The following WWTR1 variants were observed in gnomAD, a reference collection of about 807,000 sequenced individuals.
WWTR1 encodes the protein WW domain containing transcription regulator 1.
WWTR1 carries 13 observed loss-of-function variants against 40.1 expected under a neutral mutation model. The observed-to-expected ratio is 0.32, with a 90% CI of 0.21 to 0.52. The LOEUF (loss-of-function observed/expected upper bound fraction) is 0.52, where lower values mean the gene tolerates loss of function less well. WWTR1 is among the 20% of genes least tolerant of loss of function. The pLI is 0.97. For missense variants in WWTR1, 436 were observed against 523.1 expected, an observed-to-expected ratio of 0.83 and a Z score of 1.63; for synonymous variants, 230 against 210.1, an observed-to-expected ratio of 1.09 and a Z score of -0.82.
intron 2 of WWTR1, among the ~76,000 whole-genome samples, chr3:149,637,793 G>T (rs954506763): frequency 6.6e-6 from 1 of 152,186 alleles, no homozygotes; most frequent in Admixed American, 6.5e-5. Flanking sequence ...GGTGTAATAA[G>T]GCATTAGACA....
At chr3:149,700,465 A>C (rs967136168) in intron 1 of WWTR1, among the ~76,000 whole-genome samples, 1 of 152,232 alleles carries the variant, frequency 6.6e-6, no homozygotes, top group Non-Finnish European at 1.5e-5. Context: ...ACTACTAATT[A>C]GTTATTTGCA....
At chr3:149,649,313 G>A (rs1712711909) in intron 2 of WWTR1, among the ~76,000 whole-genome samples, 1 of 152,160 alleles carries the variant, frequency 6.6e-6, no homozygotes, top group East Asian at 1.9e-4. Flanking sequence ...ATTTCTAGTT[G>A]TAAATTAGCT....
chr3:149,661,726 A>G (rs1342932054), upstream of WWTR1, among the ~76,000 whole-genome samples: 1 of 143,590 alleles, frequency 7.0e-6, no homozygotes, highest in Non-Finnish European at 1.5e-5. Flanking sequence ...GCCCGGCCAC[A>G]AATAAAGTTT....
chr3:149,585,128 G>GTGTGTGTA (rs1325819231), intron 2 of WWTR1, among the ~76,000 whole-genome samples: 5 of 150,524 alleles, frequency 3.3e-5, no homozygotes, highest in African/African-American at 1.2e-4. Flanking sequence ...TTTCGTGTGT[G>GTGTGTGTA]TGTGTGTGTG....
chr3:149,580,617 G>C (rs1248523674), intron 2 of WWTR1, among the ~76,000 whole-genome samples: 1 of 152,160 alleles, frequency 6.6e-6, no homozygotes, highest in Non-Finnish European at 1.5e-5. Context: ...TTTTTTGTTT[G>C]TTTGTTTGTT....
chr3:149,565,989 A>G (rs1022788114), intron 3 of WWTR1, among the ~76,000 whole-genome samples: 2 of 151,882 alleles, frequency 1.3e-5, no homozygotes, highest in African/African-American at 4.8e-5. Context: ...AGCCTTCAAT[A>G]ATGCTGATTA....
chr3:149,687,443 C>T (rs1018509943), intron 1 of WWTR1, among the ~76,000 whole-genome samples: 1 of 152,100 alleles, frequency 6.6e-6, no homozygotes, highest in Non-Finnish European at 1.5e-5. Context: ...ATATTAGAGG[C>T]AAAAAGATTT....
At chr3:149,622,502 G>GGAAGA (rs1740341979) in intron 2 of WWTR1, among the ~76,000 whole-genome samples, 1 of 46,298 alleles carries the variant, frequency 2.2e-5, no homozygotes, top group Non-Finnish European at 4.3e-5. Context: ...AGGAAGGAAG[G>GGAAGA]AAGAAAGAAA....
chr3:149,532,324 T>C (rs1445087460), intron 4 of WWTR1, among the ~76,000 whole-genome samples: 2 of 152,220 alleles, frequency 1.3e-5, no homozygotes, highest in Non-Finnish European at 2.9e-5. Flanking sequence ...CATGTGGAAC[T>C]GATCCACTTT....
chr3:149,532,208 A>C (rs1186799857), intron 4 of WWTR1, among the ~76,000 whole-genome samples: 1 of 152,242 alleles, frequency 6.6e-6, no homozygotes, highest in African/African-American at 2.4e-5. Context: ...GAACAGTGCC[A>C]GGCACTCAAG....
chr3:149,683,637 T>A (rs1576639581), intron 1 of WWTR1, among the ~76,000 whole-genome samples: 1 of 152,050 alleles, frequency 6.6e-6, no homozygotes, highest in Non-Finnish European at 1.5e-5. Flanking sequence ...GAGGTTGCAG[T>A]GAGCTGAGAT....
chr3:149,587,678 G>C (rs1037891384), intron 2 of WWTR1, among the ~76,000 whole-genome samples: 3 of 152,170 alleles, frequency 2.0e-5, no homozygotes, highest in African/African-American at 7.2e-5. Context: ...GAGGAAATAC[G>C]TGCGAATAAC....
At position 149,572,978 on chromosome 3, in the gene WWTR1, A is replaced by G; in HGVS notation, c.454T>C (p.Trp152Arg). 6 of 1,593,940 alleles carry G rather than the reference A, an allele frequency of 3.8e-6. No homozygotes were observed. The highest frequency in any genetic ancestry group is 5.1e-6 in the Non-Finnish European group (6 of 1,175,150). The change falls in exon 3 of 7, where the codon TGG (tryptophan) becomes CGG (arginine). Residue 152 changes from tryptophan (W) to arginine (R), a missense_variant. Physicochemically the swap from Trp to Arg is moderately radical, Grantham distance 101. Transcript: ENST00000360632. ...TTCATCGCCTTCCTAGGGTCTTGCC[A>G]TGTGGTGATTTTTTCTATGTGACTA... ...FLNHIEKITT[W>R]QDPRKAMNQP...
intron 2 of WWTR1, among the ~76,000 whole-genome samples, chr3:149,642,619 C>T (rs1560099622): frequency 6.7e-6 from 1 of 148,746 alleles, no homozygotes; most frequent in African/African-American, 2.5e-5. Flanking sequence ...ACTAAAAATA[C>T]AAAAAATTAG....
intron 3 of WWTR1, among the ~76,000 whole-genome samples, chr3:149,547,219 T>A: frequency 1.2e-5 from 1 of 84,504 alleles, no homozygotes; most frequent in Non-Finnish European, 2.3e-5. Context: ...AGAACAATAG[T>A]TCCATTAAAA....
intron 2 of WWTR1, among the ~76,000 whole-genome samples, chr3:149,647,327 C>T (rs1417250364): frequency 1.3e-5 from 2 of 151,976 alleles, no homozygotes; most frequent in East Asian, 3.9e-4. Context: ...AAGAAGTCAC[C>T]TGAAAACATG....
At chr3:149,706,983 C>T (rs1489455748), upstream of WWTR1, among the ~76,000 whole-genome samples, 2 of 152,156 alleles carry the variant, frequency 1.3e-5, no homozygotes, top group Non-Finnish European at 2.9e-5. Flanking sequence ...AAGCCACCCC[C>T]CAACCCCAAT....
intron 1 of WWTR1, among the ~76,000 whole-genome samples, chr3:149,695,349 T>C (rs1198998147): frequency 2.0e-5 from 3 of 152,088 alleles, no homozygotes; most frequent in Non-Finnish European, 1.5e-5. Context: ...AAGCTTGAGG[T>C]GATGATACCC....
At chr3:149,522,135 G>A (rs1735078316) in intron 6 of WWTR1, among the ~76,000 whole-genome samples, 1 of 152,174 alleles carries the variant, frequency 6.6e-6, no homozygotes, top group South Asian at 2.1e-4. Context: ...AAATTGAGAA[G>A]CATTGATAAC....
Sources: allele counts gnomAD v4.1 joint callset (sites outside exome capture counted in the v4.1 genomes callset), GRCh38; gene constraint gnomAD v4.1.1; transcripts MANE v1.5; gene names NCBI Gene and HGNC (gene_info 2026-07-23, HGNC 2026-07-21).